SESTD1: variants seen among roughly 807,000 people sequenced by gnomAD.
The protein encoded by SESTD1 is SEC14 domain and spectrin repeat-containing protein 1.
In SESTD1, 43 loss-of-function variants were observed where a neutral mutation model predicts 101.7. The ratio of observed to expected loss-of-function variants is 0.42; its 90% CI spans 0.33 to 0.55. SESTD1 has a LOEUF of 0.55. SESTD1 is among the 20% of genes least tolerant of loss of function. The pLI, the probability that SESTD1 is intolerant of heterozygous loss-of-function variation, is 0.07. For missense variants in SESTD1, 647 were observed against 815.1 expected (o/e 0.79, Z 2.51); for synonymous variants, 283 against 286.8 (o/e 0.99, Z 0.13).
chr2:179,143,593 T>A lies in SESTD1; in HGVS notation c.848A>T (p.Gln283Leu), dbSNP rs573509613. 6.2e-7 allele frequency: 1 copy of A among 1,613,384 alleles called. No individual in the cohort carries two copies. The highest frequency in any genetic ancestry group is 1.7e-5 in the Admixed American group (1 of 60,000). Residue 283 changes from glutamine to leucine, a missense_variant and splice_region_variant, in exon 9 of 18, where the codon CAG becomes CTG. By Grantham distance (113) the Gln-to-Leu change is moderately radical. Coordinates refer to ENST00000428443, the MANE Select transcript of SESTD1 (RefSeq NM_178123.5). ...QLEEIQQKVMQVVNWLEGPGS... is the reference protein window; with the variant it reads ...QLEEIQQKVMLVVNWLEGPGS... ...AATATATTCAAATCAGACACCTACC[T>A]GCATTACCTTCTGTTGAATCTCTTC... is the stretch of plus-strand genomic sequence containing the variant.
At position 179,146,906 on chromosome 2, in the gene SESTD1, T is replaced by G. The variant is rs1363267292; in HGVS notation, c.582-449A>C. 7.5e-4 allele frequency among the ~76,000 whole-genome samples: 34 copies of G among 45,396 alleles called. No homozygotes were observed. The South Asian group carries it at 0.018, about 24-fold the overall frequency. 29.8% of individuals were successfully genotyped at this position (45,396 alleles called of 152,430 possible). A position where few individuals can be genotyped will look rare whatever the true frequency, so the allele number is the denominator to read the frequency against. On this transcript the variant is annotated intron_variant, in intron 7 of 17. Coordinates refer to ENST00000428443, the MANE Select transcript of SESTD1 (RefSeq NM_178123.5). ...AATATTCTGTCTTATATTCCAGGGG[T>G]GTGTGTGTGTGTGTGTGTGTGTGTG...
chr2:179,142,968 C>A (rs1335421561), intron 9 of SESTD1, among the ~76,000 whole-genome samples: 1 of 152,088 alleles, frequency 6.6e-6, no homozygotes, highest in Admixed American at 6.6e-5. Context: ...AAAACTAGGA[C>A]GTTTCCAGTT....
chr2:179,179,645 C>T (rs1003200283), intron 3 of SESTD1, among the ~76,000 whole-genome samples: 2 of 152,180 alleles, frequency 1.3e-5, no homozygotes, highest in African/African-American at 4.8e-5. Context: ...TGTTATCTTA[C>T]AAATGTCCTG....
intron 4 of SESTD1, among the ~76,000 whole-genome samples, chr2:179,175,227 C>T (rs2045991495): frequency 6.6e-6 from 1 of 152,114 alleles, no homozygotes; most frequent in African/African-American, 2.4e-5. Flanking sequence ...AAGCTTAGCA[C>T]AGTACCAAAA....
At chr2:179,124,647 A>T in intron 10 of SESTD1, 89 bp from the exon 11 acceptor site, 1 of 1,136,352 alleles carries the variant, frequency 8.8e-7, no homozygotes, top group Non-Finnish European at 1.2e-6. Flanking sequence ...TAAACTAAGT[A>T]ATACATGATT....
intron 6 of SESTD1, among the ~76,000 whole-genome samples, chr2:179,150,793 C>A (rs1041865227): frequency 6.6e-6 from 1 of 151,734 alleles, no homozygotes; most frequent in Admixed American, 6.6e-5. Flanking sequence ...GCACTCCAGC[C>A]TGGGCAACAG....
intron 1 of SESTD1, among the ~76,000 whole-genome samples, chr2:179,210,267 AAT>A (rs1175159060): frequency 7.6e-6 from 1 of 131,016 alleles, no homozygotes; most frequent in African/African-American, 3.3e-5. Flanking sequence ...TTCAAAGAAG[AAT>A]TGGTATCAAT....
chr2:179,148,217 T>A (rs756010670), intron 7 of SESTD1, among the ~76,000 whole-genome samples: 3 of 152,214 alleles, frequency 2.0e-5, no homozygotes, highest in African/African-American at 4.8e-5. Flanking sequence ...TTATTAAGGT[T>A]CCACTGTATC....
intron 3 of SESTD1, among the ~76,000 whole-genome samples, chr2:179,182,253 C>G (rs1235421369): frequency 2.0e-5 from 3 of 151,394 alleles, no homozygotes; most frequent in Non-Finnish European, 4.4e-5. Context: ...ACATTGTACA[C>G]ACACAAACAC....
Position 179,102,290 on chromosome 2 carries a change from T to C in SESTD1, c.*7609A>G, listed in dbSNP as rs971024188. ...GTTATTTCAGAATATACAAGTTACA[T>C]TTTTGATTTAATGAAAGGTTTTAGG... On this transcript the variant is annotated 3_prime_UTR_variant, in exon 18 of 18. Transcript: ENST00000428443. 6.6e-6 allele frequency: 1 copy of C among 152,164 alleles called. No individual in the cohort carries two copies. The highest frequency in any genetic ancestry group is 1.5e-5 in the Non-Finnish European group (1 of 68,024). The allele number at this position is 152,164 out of a possible 1,614,324, so 9.4% of individuals were successfully genotyped here.
chr2:179,240,055 G>A (rs2047127827), intron 1 of SESTD1, among the ~76,000 whole-genome samples: 1 of 152,188 alleles, frequency 6.6e-6, no homozygotes, highest in African/African-American at 2.4e-5. Flanking sequence ...GCCTTGAGAT[G>A]AACGATTGGT....
intron 8 of SESTD1, among the ~76,000 whole-genome samples, chr2:179,144,186 T>C (rs1221554218): frequency 2.6e-5 from 4 of 152,066 alleles, no homozygotes; most frequent in African/African-American, 9.7e-5. Context: ...TGCCAAACAA[T>C]CCTATTTCCC....
chr2:179,253,720 T>A (rs1217430932), intron 1 of SESTD1, among the ~76,000 whole-genome samples: 1 of 152,168 alleles, frequency 6.6e-6, no homozygotes, highest in African/African-American at 2.4e-5. Context: ...CATAAGAATC[T>A]GATGACACTG....
chr2:179,115,303 G>C (rs372440790), intron 15 of SESTD1, 47 bp from the exon 16 acceptor site: 5 of 1,411,492 alleles, frequency 3.5e-6, no homozygotes, highest in Non-Finnish European at 4.8e-6. Context: ...GAATTCTTAA[G>C]AGAAGGATGG....
chr2:179,158,804 T>C (rs1220716115), intron 5 of SESTD1, among the ~76,000 whole-genome samples: 1 of 152,200 alleles, frequency 6.6e-6, no homozygotes, highest in African/African-American at 2.4e-5. Context: ...CCCTGCCATG[T>C]AGACATACAG....
At position 179,108,800 on chromosome 2, in the gene SESTD1, T is replaced by C. The variant is rs544913123; in HGVS notation, c.*1099A>G. The C allele has an allele frequency of 6.6e-6, 1 of 152,218 alleles. No homozygotes were observed. The highest frequency in any genetic ancestry group is 1.5e-5 in the Non-Finnish European group (1 of 67,994). 9.4% of individuals were successfully genotyped at this position (152,218 alleles called of 1,614,324 possible). On this transcript the variant is annotated 3_prime_UTR_variant, in exon 18 of 18. Coordinates refer to ENST00000428443, the MANE Select transcript of SESTD1 (RefSeq NM_178123.5). The stretch of plus-strand genomic sequence containing the variant: ...AAACTTAATACAAACTTAAAAGAAC[T>C]AGCATTTCATGATAAATTTTATTTC...
intron 1 of SESTD1, among the ~76,000 whole-genome samples, chr2:179,230,113 CTTTTT>C (rs71023474): frequency 2.3e-4 from 13 of 56,412 alleles, no homozygotes; most frequent in Admixed American, 2.9e-4. Flanking sequence ...GATTGTATCT[CTTTTT>C]TTTTTTTTTT....
chr2:179,203,456 G>T lies in SESTD1; in HGVS notation c.-25-11590C>A, dbSNP rs1201417070. On this transcript the variant is annotated intron_variant, in intron 1 of 17. Transcript: ENST00000428443. The stretch of plus-strand genomic sequence containing the variant: ...AAAAAGGGGAGGGGAACAGTTCAGA[G>T]AGCTTCCAGGTGGGTGAACACATCA... Among the ~76,000 whole-genome samples, 2 of 132,702 alleles carry T rather than the reference G, an allele frequency of 1.5e-5. 1 individual carries two copies. The highest frequency in any genetic ancestry group is 3.2e-5 in the Non-Finnish European group (2 of 62,184). The allele number at this position is 132,702 out of a possible 152,430, so 87.1% of individuals were successfully genotyped here.
chr2:179,103,077 T>C lies in SESTD1; in HGVS notation c.*6822A>G, dbSNP rs1200536952. 6.6e-6 allele frequency: 1 copy of C among 152,108 alleles called. No individual in the cohort carries two copies. Among genetic ancestry groups the C allele is most frequent in the African/African-American group, 2.4e-5 (1 of 41,426 alleles). 9.4% of individuals were successfully genotyped at this position (152,108 alleles called of 1,614,324 possible). Reference sequence around the variant, plus strand: ...CCTACTGAAAACGGGTGGTGAAAGTTAGTAACATAAACAAACCAGTGCTGT... The same window carrying C: ...CCTACTGAAAACGGGTGGTGAAAGTCAGTAACATAAACAAACCAGTGCTGT... On this transcript the variant is annotated 3_prime_UTR_variant, in exon 18 of 18. Transcript: ENST00000428443.
Sources: allele counts gnomAD v4.1 joint callset (sites outside exome capture counted in the v4.1 genomes callset), GRCh38; gene constraint gnomAD v4.1.1; transcripts MANE v1.5; gene names NCBI Gene and HGNC (gene_info 2026-07-23, HGNC 2026-07-21).